Variants in DENND4C observed in about 807,000 individuals in gnomAD.
DENND4C encodes DENN domain containing 4C, also known as DENN domain-containing protein 4C.
In DENND4C, 108 loss-of-function variants were observed where a neutral mutation model predicts 203.0. That is an observed-to-expected ratio of 0.53 (90% CI 0.46 to 0.62). The LOEUF (loss-of-function observed/expected upper bound fraction) is 0.62, where lower values mean the gene tolerates loss of function less well. DENND4C is among the 20% of genes least tolerant of loss of function. The pLI, the probability that DENND4C is intolerant of heterozygous loss-of-function variation, is 0.00. For missense variants in DENND4C, 2,481 were observed against 2,301.2 expected (o/e 1.08, Z -1.60); for synonymous variants, 871 against 792.4 (o/e 1.10, Z -1.67).
At chr9:19,266,099 A>G (rs1014790204) in intron 1 of DENND4C, among the ~76,000 whole-genome samples, 2 of 152,172 alleles carry the variant, frequency 1.3e-5, no homozygotes, top group Admixed American at 1.3e-4. Context: ...CTATTTCTCC[A>G]CATCCTCTCC....
intron 10 of DENND4C, among the ~76,000 whole-genome samples, chr9:19,306,204 C>T (rs919829917): frequency 6.6e-6 from 1 of 152,086 alleles, no homozygotes; most frequent in Non-Finnish European, 1.5e-5. Context: ...AACTTCCAGG[C>T]CGTAGAACGC....
At chr9:19,304,850 T>C (rs1839353193) in intron 9 of DENND4C, among the ~76,000 whole-genome samples, 1 of 151,640 alleles carries the variant, frequency 6.6e-6, no homozygotes, top group East Asian at 1.9e-4. Context: ...CGCCCGGCCA[T>C]GAATTTTTTT....
In DENND4C at chr9:19,316,485, C is replaced by T; in HGVS notation, c.1556C>T (p.Thr519Ile). 1.2e-6 allele frequency: 2 copies of T among 1,613,658 alleles called. No homozygotes were observed. Among genetic ancestry groups the T allele is most frequent in the South Asian group, 1.1e-5 (1 of 90,952 alleles). ...PKKPCKNLLS[T>I]LKKLYPQLSS... ...AAGCCGTGCAAAAATCTACTTAGCA[C>T]CTTAAAGAAATTGTATCCCCAGCTG... is the stretch of plus-strand genomic sequence containing the variant. Residue 519 changes from threonine to isoleucine, a missense_variant, in exon 11 of 33, where the codon ACC becomes ATC. Thr to Ile is a moderately conservative substitution (Grantham distance 89). Coordinates refer to ENST00000434457, the MANE Select transcript of DENND4C (RefSeq NM_001330640.2).
intron 1 of DENND4C, among the ~76,000 whole-genome samples, chr9:19,264,494 A>T (rs1830078431): frequency 6.6e-6 from 1 of 151,806 alleles, no homozygotes; most frequent in South Asian, 2.1e-4. Flanking sequence ...TTTAGTGGAG[A>T]TGGGGTTTCA....
intron 1 of DENND4C, among the ~76,000 whole-genome samples, chr9:19,262,076 C>CTTTTTTTTTTTTTTTT (rs60223074): frequency 1.8e-5 from 1 of 55,446 alleles, no homozygotes; most frequent in Non-Finnish European, 3.4e-5. Context: ...TTTATTAGTT[C>CTTTTTTTTTTTTTTTT]TTTTTTTTTT....
At chr9:19,349,395 C>A (rs1175443922) in intron 23 of DENND4C, among the ~76,000 whole-genome samples, 1 of 152,074 alleles carries the variant, frequency 6.6e-6, no homozygotes, top group Non-Finnish European at 1.5e-5. Flanking sequence ...GTGATAGAGA[C>A]CCTTTCTCCC....
intron 28 of DENND4C, 60 bp from the exon 29 acceptor site, chr9:19,360,184 T>G: frequency 6.6e-7 from 1 of 1,524,042 alleles, no homozygotes; most frequent in South Asian, 1.2e-5. Flanking sequence ...CATTGAGAAG[T>G]GCTCTTGAGC....
At chr9:19,324,159 A>G (rs1370850527) in intron 12 of DENND4C, among the ~76,000 whole-genome samples, 1 of 152,166 alleles carries the variant, frequency 6.6e-6, no homozygotes, top group East Asian at 1.9e-4. Flanking sequence ...AAATCTTAAA[A>G]AAAAAAATCC....
chr9:19,271,443 C>T (rs570767126), intron 1 of DENND4C, among the ~76,000 whole-genome samples: 46 of 152,208 alleles, frequency 3.0e-4, no homozygotes, highest in Middle Eastern at 3.4e-3. Context: ...TCAAGTGATC[C>T]GCCTACCTCT....
At chr9:19,342,821 T>C in intron 22 of DENND4C, 42 bp downstream of exon 22, 2 of 1,463,270 alleles carry the variant, frequency 1.4e-6, no homozygotes, top group Non-Finnish European at 1.8e-6. Context: ...TAAAATATAC[T>C]TTTATAGACT....
chr9:19,268,047 G>A (rs1007960597), intron 1 of DENND4C, among the ~76,000 whole-genome samples: 2 of 151,078 alleles, frequency 1.3e-5, no homozygotes, highest in African/African-American at 4.9e-5. Flanking sequence ...TTTTCTGGTG[G>A]TATGTTTTAA....
intron 6 of DENND4C, 73 bp from the exon 7 acceptor site, chr9:19,297,983 T>G (rs775786075): frequency 6.6e-6 from 8 of 1,208,772 alleles, no homozygotes; most frequent in Non-Finnish European, 9.4e-6. Context: ...TATAGTGATA[T>G]TTAAGATTTG....
intron 1 of DENND4C, among the ~76,000 whole-genome samples, chr9:19,270,357 C>A (rs1831394217): frequency 6.6e-6 from 1 of 152,048 alleles, no homozygotes; most frequent in Non-Finnish European, 1.5e-5. Flanking sequence ...TGGAGGGTTC[C>A]CTTTTGGCCT....
At chr9:19,356,490 A>G (rs1331773130) in intron 26 of DENND4C, among the ~76,000 whole-genome samples, 1 of 152,140 alleles carries the variant, frequency 6.6e-6, no homozygotes, top group East Asian at 1.9e-4. Flanking sequence ...ATAAGATGTA[A>G]ATAAAACAAT....
chr9:19,230,824 C>A lies in DENND4C; in HGVS notation c.-27C>A, dbSNP rs1820319125. 6.6e-6 allele frequency: 1 copy of A among 152,548 alleles called. No homozygotes were observed. 9.4% of individuals were successfully genotyped at this position (152,548 alleles called of 1,614,324 possible). ...TGTCGGGGCTGCGCTGACAGAGGAG[C>A]AGGCAGCAGGTGAGGCTGCGGCGCG... On this transcript the variant is annotated 5_prime_UTR_variant, in exon 1 of 33. Coordinates refer to ENST00000434457, the MANE Select transcript of DENND4C (RefSeq NM_001330640.2).
intron 21 of DENND4C, among the ~76,000 whole-genome samples, chr9:19,341,433 C>G (rs1432853101): frequency 2.6e-5 from 4 of 151,806 alleles, no homozygotes; most frequent in African/African-American, 9.7e-5. Context: ...GCCTCAGTCC[C>G]CTGTCAGCTG....
chr9:19,287,642 C>T (rs944250774), intron 3 of DENND4C, among the ~76,000 whole-genome samples: 7 of 151,956 alleles, frequency 4.6e-5, no homozygotes, highest in East Asian at 3.9e-4. Flanking sequence ...CCACCATGCC[C>T]GGCCTGTTTT....
In DENND4C at chr9:19,296,125, A is replaced by G; in HGVS notation, c.919A>G (p.Ile307Val). ...PVERKMVSKS[I>V]NTNKCICLLS... ...GGAGAGAAAAATGGTCTCCAAATCCATCAATACAAACAAATGCATTTGTTT... is the reference window on the plus strand; with the variant it reads ...GGAGAGAAAAATGGTCTCCAAATCCGTCAATACAAACAAATGCATTTGTTT... Residue 307 changes from isoleucine (I) to valine (V), a missense_variant, in exon 6 of 33, where the codon ATC becomes GTC. Ile to Val is a conservative substitution (Grantham distance 29). Transcript: ENST00000434457. 1 of 1,614,030 alleles carries G rather than the reference A, an allele frequency of 6.2e-7. No homozygotes were observed. Among genetic ancestry groups the G allele is most frequent in the South Asian group, 1.1e-5 (1 of 91,076 alleles).
Position 19,320,502 on chromosome 9 carries a change from A to G in DENND4C, c.1807+3663A>G, listed in dbSNP as rs559235310. 2.6e-5 allele frequency among the ~76,000 whole-genome samples: 4 copies of G among 152,354 alleles called. No homozygotes were observed. The East Asian group carries it at 7.7e-4, about 29-fold the overall frequency. ...GCGTGAGCCACTGCGCTCGGCCCAC[A>G]TCTTTGAATTCTGGCATGTATTTTT... On this transcript the variant is annotated intron_variant, in intron 12 of 32. Transcript: ENST00000434457.
Sources: gnomAD v4.1 joint callset for allele counts (sites outside exome capture counted in the v4.1 genomes callset) on GRCh38, gnomAD v4.1.1 for gene constraint, MANE v1.5 for transcripts, NCBI Gene and HGNC (gene_info 2026-07-23, HGNC 2026-07-21) for gene names.